Variants in UBE2V2 observed in about 807,000 individuals in gnomAD.
UBE2V2 encodes the protein ubiquitin-conjugating enzyme E2 variant 2.
Under a neutral mutation model 17.2 loss-of-function variants are expected in UBE2V2, and 9 were observed. The ratio of observed to expected loss-of-function variants is 0.52; its 90% confidence interval spans 0.32 to 0.91. The LOEUF (loss-of-function observed/expected upper bound fraction) is 0.91. Ranked by LOEUF, UBE2V2 falls within the 40% of genes least tolerant of loss-of-function variation. The probability of loss-of-function intolerance (pLI) is 0.04; values close to 1 mark genes in which losing one functional copy is unlikely to be tolerated. For missense variants in UBE2V2, 133 were observed against 182.6 expected, an observed-to-expected ratio of 0.73 and a Z score of 1.56; for synonymous variants, 61 against 57.5, an observed-to-expected ratio of 1.06 and a Z score of -0.28.
chr8:47,997,956 G>T, the UBE2V2 span, among the ~76,000 whole-genome samples: 5 of 151,956 alleles, frequency 3.3e-5, no homozygotes, highest in Non-Finnish European at 7.4e-5. Context: ...AGCAGGAGGC[G>T]AGTGGAGTTT....
intron 3 of UBE2V2, among the ~76,000 whole-genome samples, chr8:48,060,188 T>G: frequency 8.2e-6 from 1 of 121,754 alleles, no homozygotes; most frequent in Non-Finnish European, 1.6e-5. Context: ...CCAGCCTGGG[T>G]GACAGAGTGA....
At chr8:48,045,407 G>A (rs1053839357) in intron 2 of UBE2V2, among the ~76,000 whole-genome samples, 11 of 152,028 alleles carry the variant, frequency 7.2e-5, no homozygotes, top group Non-Finnish European at 1.6e-4. Flanking sequence ...ATAAACTGGG[G>A]GAACTTACCA....
At chr8:48,007,061 T>TG (rs927237025), upstream of UBE2V2, among the ~76,000 whole-genome samples, 4 of 151,682 alleles carry the variant, frequency 2.6e-5, no homozygotes, top group Non-Finnish European at 5.9e-5. Context: ...TTTGTATTTT[T>TG]TTTTTTTTAG....
chr8:48,033,689 G>A (rs1393914549), intron 1 of UBE2V2, among the ~76,000 whole-genome samples: 1 of 152,020 alleles, frequency 6.6e-6, no homozygotes, highest in East Asian at 1.9e-4. Flanking sequence ...GCTGGGTGCG[G>A]GCTCATATCT....
rs1456692443 is a variant in UBE2V2 at position 48,046,540 on chromosome 8, C to T, written c.166-3313C>T. Among the ~76,000 whole-genome samples the T allele has an allele frequency of 2.4e-4, 36 of 152,218 alleles. 1 individual carries two copies. Among genetic ancestry groups the T allele is most frequent in the Admixed American group, 2.2e-3 (34 of 15,282 alleles). On this transcript the variant is annotated intron_variant, in intron 2 of 3. Transcript: ENST00000523111. ...AAGTGCTAGGATTACAGGCGTGAGC[C>T]GCCGTGCCCGGTTGAGAGGAGGAAG...
chr8:47,998,575 G>T, the UBE2V2 span, among the ~76,000 whole-genome samples: 1 of 151,806 alleles, frequency 6.6e-6, no homozygotes, highest in Non-Finnish European at 1.5e-5. Flanking sequence ...GATGGTGGAT[G>T]AAGTCGTCAG....
chr8:48,010,317 C>T (rs1272321226), intron 1 of UBE2V2, among the ~76,000 whole-genome samples: 3 of 147,122 alleles, frequency 2.0e-5, no homozygotes, highest in Non-Finnish European at 3.0e-5. Context: ...GCTCACTGCA[C>T]CCTCCTCACC....
intron 3 of UBE2V2, among the ~76,000 whole-genome samples, chr8:48,051,890 C>T (rs1176224155): frequency 2.0e-5 from 3 of 152,174 alleles, no homozygotes; most frequent in African/African-American, 7.2e-5. Context: ...ACCCCCCCAC[C>T]CCTGTGCCAA....
At chr8:48,016,726 C>A (rs1376894065) in intron 1 of UBE2V2, among the ~76,000 whole-genome samples, 1 of 151,352 alleles carries the variant, frequency 6.6e-6, no homozygotes, top group East Asian at 1.9e-4. Flanking sequence ...AGGTGATCTT[C>A]CCACCTTGGC....
At chr8:48,007,140 C>T (rs1189680783), upstream of UBE2V2, among the ~76,000 whole-genome samples, 7 of 151,968 alleles carry the variant, frequency 4.6e-5, no homozygotes, top group South Asian at 2.1e-4. Context: ...CGCCCGCCTC[C>T]GCCTCCCAAA....
chr8:48,046,307 A>G (rs1215146373), intron 2 of UBE2V2, among the ~76,000 whole-genome samples: 1 of 151,926 alleles, frequency 6.6e-6, no homozygotes, highest in African/African-American at 2.4e-5. Flanking sequence ...TTTAGTAGAG[A>G]TGGGGTTTCA....
intron 1 of UBE2V2, among the ~76,000 whole-genome samples, chr8:48,009,558 G>A (rs565329369): frequency 2.0e-5 from 3 of 152,244 alleles, no homozygotes; most frequent in South Asian, 4.1e-4. Context: ...GAGCCACCGC[G>A]CTCGGCCTGA....
Position 48,062,791 on chromosome 8 carries a change from C to T in UBE2V2, c.*1963C>T, listed in dbSNP as rs1336078004. 2 of 152,102 alleles carry T rather than the reference C, an allele frequency of 1.3e-5. No homozygotes were observed. The highest frequency in any genetic ancestry group is 2.9e-5 in the Non-Finnish European group (2 of 68,036). 9.4% of individuals were successfully genotyped at this position (152,102 alleles called of 1,614,324 possible). A position where few individuals can be genotyped will look rare whatever the true frequency, so the allele number is the denominator to read the frequency against. On this transcript the variant is annotated 3_prime_UTR_variant, in exon 4 of 4. Coordinates refer to ENST00000523111, the MANE Select transcript of UBE2V2 (RefSeq NM_003350.3). ...AACATTAATTTCAACATGGCTGTTG[C>T]ATTTTAATTATCAAAAATGTTTAAA...
chr8:48,055,626 G>A (rs1347143851), intron 3 of UBE2V2, among the ~76,000 whole-genome samples: 1 of 152,040 alleles, frequency 6.6e-6, no homozygotes, highest in Admixed American at 6.6e-5. Flanking sequence ...AGGGTTTTTA[G>A]TATTCACAAC....
In UBE2V2 at chr8:48,008,879, C is replaced by T. The variant is rs1435411547; in HGVS notation, c.16+409C>T. Among the ~76,000 whole-genome samples the T allele has an allele frequency of 2.6e-5, 4 of 152,148 alleles. No individual in the cohort carries two copies. In the South Asian group the frequency reaches 8.3e-4, roughly 31 times the overall value. ...GAAGATGGGTCAGGCCAAGAGGTGT[C>T]CTGGATCAGAGTAGGGGTCCCATTC... On this transcript the variant is annotated intron_variant, in intron 1 of 3. Coordinates refer to ENST00000523111, the MANE Select transcript of UBE2V2 (RefSeq NM_003350.3).
At chr8:48,004,526 TTTTGTTTTTTTG>T (rs1328404570), upstream of UBE2V2, among the ~76,000 whole-genome samples, 3 of 148,390 alleles carry the variant, frequency 2.0e-5, no homozygotes, top group South Asian at 2.2e-4. Context: ...TTTTTTTTTG[TTTTGTTTTTTTG>T]TTTTTTTTTT....
intron 1 of UBE2V2, among the ~76,000 whole-genome samples, chr8:48,013,004 C>T (rs1589848735): frequency 6.6e-6 from 1 of 151,576 alleles, no homozygotes; most frequent in Non-Finnish European, 1.5e-5. Context: ...TGCTGTCACA[C>T]CCGGATAATT....
At chr8:48,027,803 T>C (rs2091355322) in intron 1 of UBE2V2, among the ~76,000 whole-genome samples, 1 of 152,242 alleles carries the variant, frequency 6.6e-6, no homozygotes, top group African/African-American at 2.4e-5. Flanking sequence ...CCTGGCCCTT[T>C]ACTGGCTATT....
chr8:48,036,205 T>G (rs1468887404), intron 1 of UBE2V2, among the ~76,000 whole-genome samples: 1 of 151,668 alleles, frequency 6.6e-6, no homozygotes, highest in Non-Finnish European at 1.5e-5. Flanking sequence ...TCCTCCCACC[T>G]TGGCCTCCCA....
Sources: gnomAD v4.1 joint callset for allele counts (sites outside exome capture counted in the v4.1 genomes callset) on GRCh38, gnomAD v4.1.1 for gene constraint, MANE v1.5 for transcripts, NCBI Gene and HGNC (gene_info 2026-07-23, HGNC 2026-07-21) for gene names.